RPS6KA2: variants seen among roughly 807,000 people sequenced by gnomAD.
RPS6KA2 encodes ribosomal protein S6 kinase A2.
RPS6KA2 carries 42 observed loss-of-function variants against 91.8 expected under a neutral mutation model. The ratio of observed to expected loss-of-function variants is 0.46; its 90% CI spans 0.36 to 0.59. The LOEUF (loss-of-function observed/expected upper bound fraction) is 0.59. Ranked by LOEUF, RPS6KA2 falls within the 20% of genes least tolerant of loss-of-function variation. The pLI, the probability that RPS6KA2 is intolerant of heterozygous loss-of-function variation, is 0.00. For missense variants in RPS6KA2, 798 were observed against 978.5 expected (o/e 0.82, Z 2.46); for synonymous variants, 414 against 393.6 (o/e 1.05, Z -0.61).
rs370476295 is a variant in RPS6KA2 at position 166,508,575 on chromosome 6, G to A, written c.380-293C>T. ...ATCACAAAGGAATTGAAAGATACAC[G>A]GGGAGAAAGATGTGAATATTTAAGC... is the stretch of plus-strand genomic sequence containing the variant. On this transcript the variant is annotated intron_variant, in intron 4 of 20. Coordinates refer to ENST00000265678, the MANE Select transcript of RPS6KA2 (RefSeq NM_021135.6). The surrounding 1 kb of genome is among the most constrained non-coding windows in gnomAD (Gnocchi z 4.3). Among the ~76,000 whole-genome samples, 14 of 152,226 alleles carry A rather than the reference G, an allele frequency of 9.2e-5. 1 individual carries two copies. The East Asian group carries it at 9.6e-4, about 10-fold the overall frequency.
At chr6:166,583,618 T>A (rs1562594622) in intron 1 of RPS6KA2, among the ~76,000 whole-genome samples, 1 of 152,156 alleles carries the variant, frequency 6.6e-6, no homozygotes, top group East Asian at 1.9e-4. Flanking sequence ...CGTGACAGTT[T>A]GTCATTAAAA....
chr6:166,834,730 G>A (rs961428749), intron 2 of RPS6KA2, among the ~76,000 whole-genome samples: 1 of 152,198 alleles, frequency 6.6e-6, no homozygotes, highest in Non-Finnish European at 1.5e-5. Flanking sequence ...CTTTTATGAG[G>A]TATGTGTTTT....
At chr6:166,618,923 G>GC (rs11431935) in intron 1 of RPS6KA2, among the ~76,000 whole-genome samples, 4,564 of 152,346 alleles carry the variant, frequency 0.03, 227 homozygotes, top group African/African-American at 0.1. Context: ...GACGCTGCGC[G>GC]CAAGAGCCCT....
At chr6:166,620,394 C>T (rs1227067109) in intron 1 of RPS6KA2, among the ~76,000 whole-genome samples, 1 of 152,202 alleles carries the variant, frequency 6.6e-6, no homozygotes, top group Non-Finnish European at 1.5e-5. Flanking sequence ...TTTCTCCCAA[C>T]AGTCCCCACT....
At chr6:166,456,349 G>A (rs2235289) in intron 12 of RPS6KA2, among the ~76,000 whole-genome samples, 21,767 of 152,222 alleles carry the variant, frequency 0.14, 1,876 homozygotes, top group Non-Finnish European at 0.2. Flanking sequence ...GAGGGATGCC[G>A]ATTTTCAGCA....
intron 2 of RPS6KA2, among the ~76,000 whole-genome samples, chr6:166,712,895 G>A (rs768804669): frequency 2.0e-4 from 30 of 152,222 alleles, no homozygotes; most frequent in Non-Finnish European, 2.2e-4. Context: ...AACACTGCCT[G>A]TGCCTCATGT....
intron 2 of RPS6KA2, among the ~76,000 whole-genome samples, chr6:166,741,727 C>T (rs945584892): frequency 2.0e-5 from 3 of 152,198 alleles, no homozygotes; most frequent in African/African-American, 4.8e-5. Context: ...GTGAGGTTAA[C>T]GGAAGGGACA....
intron 1 of RPS6KA2, among the ~76,000 whole-genome samples, chr6:166,553,392 G>A (rs937415301): frequency 6.6e-6 from 1 of 151,400 alleles, no homozygotes; most frequent in African/African-American, 2.4e-5. Flanking sequence ...CCAAAATGCT[G>A]GGGTTATAGG....
chr6:166,695,709 TCCTAGGAG>T, intron 2 of RPS6KA2, among the ~76,000 whole-genome samples: 1 of 151,992 alleles, frequency 6.6e-6, no homozygotes, highest in African/African-American at 2.4e-5. Flanking sequence ...CACTGGATTC[TCCTAGGAG>T]CACTGGATTC....
At position 166,626,908 on chromosome 6, in the gene RPS6KA2, G is replaced by T; in HGVS notation, c.99+13C>A. ...TGCCCGGCACCTGCGCGCCCCGAGG[G>T]CGGCCGCATTACCTCGAGCCGGCTC... On this transcript the variant is annotated intron_variant, in intron 1 of 20. Transcript: ENST00000265678. The surrounding 1 kb of genome is among the most constrained non-coding windows in gnomAD (Gnocchi z 4.1). 1 of 1,498,998 alleles carries T rather than the reference G, an allele frequency of 6.7e-7. No individual in the cohort carries two copies. 92.9% of individuals were successfully genotyped at this position (1,498,998 alleles called of 1,614,324 possible). A position where few individuals can be genotyped will look rare whatever the true frequency, so the allele number is the denominator to read the frequency against.
At chr6:166,671,732 T>C in intron 2 of RPS6KA2, among the ~76,000 whole-genome samples, 1 of 151,652 alleles carries the variant, frequency 6.6e-6, no homozygotes, top group Non-Finnish European at 1.5e-5. Flanking sequence ...TCAGGCTGAG[T>C]CTGAAAACCT....
chr6:166,452,680 AG>A (rs1779955185), intron 12 of RPS6KA2, among the ~76,000 whole-genome samples: 2 of 152,226 alleles, frequency 1.3e-5, no homozygotes, highest in South Asian at 4.1e-4. Flanking sequence ...CCACATGCAA[AG>A]TCAACAAAAA....
chr6:166,745,300 T>A (rs565322578), intron 2 of RPS6KA2, among the ~76,000 whole-genome samples: 1 of 152,058 alleles, frequency 6.6e-6, no homozygotes, highest in South Asian at 2.1e-4. Flanking sequence ...TTCAGGTGTG[T>A]GCCACCATGC....
chr6:166,450,054 G>A (rs1369107189), intron 13 of RPS6KA2, among the ~76,000 whole-genome samples: 40 of 149,712 alleles, frequency 2.7e-4, no homozygotes, highest in Middle Eastern at 3.6e-3. Context: ...AACCACCACA[G>A]GGACCACCGT....
intron 2 of RPS6KA2, among the ~76,000 whole-genome samples, chr6:166,729,661 G>A (rs953956455): frequency 1.2e-4 from 19 of 152,186 alleles, no homozygotes; most frequent in African/African-American, 4.3e-4. Flanking sequence ...TATCTTGAAG[G>A]TCTAAGAAAG....
intron 1 of RPS6KA2, among the ~76,000 whole-genome samples, chr6:166,539,615 C>A (rs147226365): frequency 6.6e-4 from 100 of 152,292 alleles, no homozygotes; most frequent in Middle Eastern, 3.4e-3. Flanking sequence ...GATTTGCCAC[C>A]AGCCCAGAAA....
intron 2 of RPS6KA2, among the ~76,000 whole-genome samples, chr6:166,786,834 T>C (rs1207820964): frequency 6.6e-6 from 1 of 152,164 alleles, no homozygotes; most frequent in Non-Finnish European, 1.5e-5. Context: ...CTTTCATCAG[T>C]AGAGTAATAT....
At chr6:166,470,629 G>A (rs1192662458) in intron 10 of RPS6KA2, among the ~76,000 whole-genome samples, 2 of 152,190 alleles carry the variant, frequency 1.3e-5, no homozygotes, top group African/African-American at 4.8e-5. Context: ...GTGGATACAT[G>A]TCCACTCATC....
intron 1 of RPS6KA2, among the ~76,000 whole-genome samples, chr6:166,542,648 C>G (rs1169397244): frequency 6.6e-6 from 1 of 152,198 alleles, no homozygotes; most frequent in Non-Finnish European, 1.5e-5. Context: ...CTCAAAATTC[C>G]AATGACTGCA....
Sources: gnomAD v4.1 joint callset for allele counts (sites outside exome capture counted in the v4.1 genomes callset) on GRCh38, gnomAD v4.1.1 for gene constraint, Gnocchi (gnomAD v3.1) non-coding constraint, MANE v1.5 for transcripts, NCBI Gene and HGNC (gene_info 2026-07-23, HGNC 2026-07-21) for gene names.